Variants in ATXN1 observed in about 807,000 individuals in gnomAD.
ATXN1 encodes the protein ataxin-1.
Under a neutral mutation model 56.4 loss-of-function variants are expected in ATXN1, and 8 were observed. The ratio of observed to expected loss-of-function variants is 0.14; its 90% CI spans 0.08 to 0.26. The LOEUF (loss-of-function observed/expected upper bound fraction) is 0.26, where lower values mean the gene tolerates loss of function less well. Ranked by LOEUF, ATXN1 falls within the 10% of genes least tolerant of loss-of-function variation. The pLI is 1.00. For synonymous variants in ATXN1, 514 were observed against 494.6 expected (o/e 1.04, Z -0.52); for missense variants, 987 against 1,106.5 (o/e 0.89, Z 1.53).
At chr6:16,758,860 G>A (rs1293360540) in intron 1 of ATXN1, among the ~76,000 whole-genome samples, 1 of 152,224 alleles carries the variant, frequency 6.6e-6, no homozygotes, top group African/African-American at 2.4e-5. Flanking sequence ...CATGCACAGT[G>A]AGAGGGCAAT....
chr6:16,421,397 T>A (rs1305165379), intron 6 of ATXN1, among the ~76,000 whole-genome samples: 1 of 152,166 alleles, frequency 6.6e-6, no homozygotes, highest in African/African-American at 2.4e-5. Context: ...TGTCCCCTCC[T>A]GCCTTGGATA....
chr6:16,393,204 A>G (rs1319200231), intron 6 of ATXN1, among the ~76,000 whole-genome samples: 1 of 152,188 alleles, frequency 6.6e-6, no homozygotes, highest in African/African-American at 2.4e-5. Context: ...GAATGATCAC[A>G]GAGAAGAATC....
intron 3 of ATXN1, among the ~76,000 whole-genome samples, chr6:16,620,945 C>T (rs1763309899): frequency 6.6e-6 from 1 of 152,242 alleles, no homozygotes; most frequent in Admixed American, 6.5e-5. Context: ...ACAACCTCAG[C>T]TCTGAACATT....
intron 6 of ATXN1, among the ~76,000 whole-genome samples, chr6:16,395,141 C>G (rs1038030625): frequency 4.6e-5 from 7 of 151,800 alleles, no homozygotes; most frequent in Admixed American, 4.6e-4. Context: ...CATGGTGGCT[C>G]ATGCCTGTAA....
At chr6:16,674,471 T>C (rs1027341573) in intron 2 of ATXN1, among the ~76,000 whole-genome samples, 3 of 148,050 alleles carry the variant, frequency 2.0e-5, no homozygotes, top group African/African-American at 7.4e-5. Flanking sequence ...TGCCTCAGCC[T>C]CCCAAGTAGC....
At chr6:16,505,876 TA>T (rs779218285) in intron 5 of ATXN1, among the ~76,000 whole-genome samples, 9 of 152,216 alleles carry the variant, frequency 5.9e-5, no homozygotes, top group East Asian at 3.8e-4. Flanking sequence ...AAATGAGTTA[TA>T]AAAACCTCTG....
At chr6:16,413,350 T>TG (rs1028938134) in intron 6 of ATXN1, among the ~76,000 whole-genome samples, 9 of 152,178 alleles carry the variant, frequency 5.9e-5, no homozygotes, top group Non-Finnish European at 7.4e-5. Flanking sequence ...TTTTTGTTTT[T>TG]TTTTTAAGGT....
At chr6:16,491,280 T>TTATTATTA (rs1561723448) in intron 5 of ATXN1, among the ~76,000 whole-genome samples, 7 of 110,808 alleles carry the variant, frequency 6.3e-5, no homozygotes, top group African/African-American at 3.1e-4. Context: ...TATTATTATT[T>TTATTATTA]TTTTTTTTTT....
At chr6:16,527,260 G>A (rs561723845) in intron 4 of ATXN1, among the ~76,000 whole-genome samples, 1 of 152,038 alleles carries the variant, frequency 6.6e-6, no homozygotes, top group Non-Finnish European at 1.5e-5. Context: ...CTTTTGAGGG[G>A]AGGCTGGGGA....
intron 5 of ATXN1, among the ~76,000 whole-genome samples, chr6:16,500,259 C>T (rs963958861): frequency 2.6e-5 from 4 of 152,134 alleles, no homozygotes; most frequent in Non-Finnish European, 4.4e-5. Context: ...ATATGACACA[C>T]GAGGAAACAA....
At chr6:16,390,179 C>CT (rs1758323785) in intron 6 of ATXN1, among the ~76,000 whole-genome samples, 1 of 152,232 alleles carries the variant, frequency 6.6e-6, no homozygotes, top group African/African-American at 2.4e-5. Flanking sequence ...TACTAGTACT[C>CT]TAACTGTGAG....
At chr6:16,464,990 A>G (rs1275647105) in intron 6 of ATXN1, among the ~76,000 whole-genome samples, 1 of 152,192 alleles carries the variant, frequency 6.6e-6, no homozygotes, top group Non-Finnish European at 1.5e-5. Flanking sequence ...CGGGGAGGCT[A>G]GGAATATAGG....
intron 3 of ATXN1, among the ~76,000 whole-genome samples, chr6:16,637,137 A>G (rs901378530): frequency 6.6e-6 from 1 of 152,232 alleles, no homozygotes; most frequent in Non-Finnish European, 1.5e-5. Context: ...AAAATGTGGC[A>G]CATATACACC....
chr6:16,615,029 C>T (rs889588318), intron 3 of ATXN1: 1 of 150,302 alleles, frequency 6.7e-6, no homozygotes, highest in Non-Finnish European at 1.5e-5. Flanking sequence ...AAATCCTGAT[C>T]AAAAAAATTA....
chr6:16,646,604 C>T (rs1763801641), intron 3 of ATXN1, among the ~76,000 whole-genome samples: 1 of 152,258 alleles, frequency 6.6e-6, no homozygotes, highest in African/African-American at 2.4e-5. Flanking sequence ...ATATGCTCTG[C>T]TCTGCACTCT....
chr6:16,631,054 A>G (rs1336324760), intron 3 of ATXN1, among the ~76,000 whole-genome samples: 2 of 152,248 alleles, frequency 1.3e-5, no homozygotes, highest in African/African-American at 4.8e-5. Flanking sequence ...GATAATAATA[A>G]TAACTAATAA....
intron 6 of ATXN1, among the ~76,000 whole-genome samples, chr6:16,458,109 G>A (rs548702473): frequency 1.3e-4 from 20 of 152,290 alleles, no homozygotes; most frequent in Non-Finnish European, 2.5e-4. Context: ...GCTGCAGCCC[G>A]AGAATTTGGA....
At chr6:16,554,014 A>C (rs1761967495) in intron 4 of ATXN1, among the ~76,000 whole-genome samples, 1 of 152,202 alleles carries the variant, frequency 6.6e-6, no homozygotes, top group East Asian at 1.9e-4. Flanking sequence ...GTGAGTCTCC[A>C]TTTTCATGGA....
intron 2 of ATXN1, among the ~76,000 whole-genome samples, chr6:16,722,257 T>C (rs1346409261): frequency 1.3e-5 from 2 of 152,170 alleles, no homozygotes; most frequent in African/African-American, 4.8e-5. Flanking sequence ...ATGCATTCAT[T>C]AGCCATGACC....
Sources: allele counts gnomAD v4.1 joint callset (sites outside exome capture counted in the v4.1 genomes callset), GRCh38; gene constraint gnomAD v4.1.1; transcripts MANE v1.5; gene names NCBI Gene and HGNC (gene_info 2026-07-23, HGNC 2026-07-21).